Variants in SMAD3 observed in about 807,000 individuals in gnomAD.
The protein encoded by SMAD3 is MAD homolog 3.
In SMAD3, 12 loss-of-function variants were observed where a neutral mutation model predicts 51.8. The observed-to-expected ratio is 0.23, with a 90% CI of 0.15 to 0.38. The LOEUF (loss-of-function observed/expected upper bound fraction) is 0.38, where lower values mean the gene tolerates loss of function less well. Ranked by LOEUF, SMAD3 falls within the 10% of genes least tolerant of loss-of-function variation. The pLI, the probability that SMAD3 is intolerant of heterozygous loss-of-function variation, is 1.00. For missense variants in SMAD3, 294 were observed against 565.6 expected, an observed-to-expected ratio of 0.52 and a Z score of 4.87; for synonymous variants, 238 against 227.7, an observed-to-expected ratio of 1.05 and a Z score of -0.41.
chr15:67,093,348 C>T (rs1435056150), intron 1 of SMAD3, among the ~76,000 whole-genome samples: 1 of 152,220 alleles, frequency 6.6e-6, no homozygotes, highest in Non-Finnish European at 1.5e-5. Flanking sequence ...ATCCACACCT[C>T]TGCCAGGGCC....
Position 67,156,419 on chromosome 15 carries a change from C to A in SMAD3, c.207-8476C>A, listed in dbSNP as rs186979549. 1.5e-3 allele frequency among the ~76,000 whole-genome samples: 232 copies of A among 152,290 alleles called. 2 individuals are homozygous for A. The highest frequency in any genetic ancestry group is 5.5e-3 in the African/African-American group (229 of 41,536). On this transcript the variant is annotated intron_variant, in intron 1 of 8. Transcript: ENST00000327367. The stretch of plus-strand genomic sequence containing the variant: ...TCCTTCTGAAATGGTTAAGTCTTAT[C>A]CAGCTTCAAGATCTGGGCATAGGGG...
rs985273746 is a variant in SMAD3, at chr15:67,195,053, A to G, written c.*4517A>G. ...AGTGTTTTAGATTTTTCTAACTTTTATATCTTAAAAGCAGAGCACCTGTTT... is the reference window on the plus strand; with the variant it reads ...AGTGTTTTAGATTTTTCTAACTTTTGTATCTTAAAAGCAGAGCACCTGTTT... On this transcript the variant is annotated 3_prime_UTR_variant, in exon 9 of 9. Coordinates refer to ENST00000327367, the MANE Select transcript of SMAD3 (RefSeq NM_005902.4). 6.8e-5 allele frequency: 16 copies of G among 233,626 alleles called. No homozygotes were observed. Among genetic ancestry groups the G allele is most frequent in the African/African-American group, 2.0e-4 (9 of 45,454 alleles). The allele number at this position is 233,626 out of a possible 1,614,324, so 14.5% of individuals were successfully genotyped here.
rs1321080616 is a variant in SMAD3 at position 67,066,195 on chromosome 15, G to T, written c.41G>T (p.Arg14Leu). 6.2e-7 allele frequency: 1 copy of T among 1,611,858 alleles called. No individual in the cohort carries two copies. Among genetic ancestry groups the T allele is most frequent in the Non-Finnish European group, 8.5e-7 (1 of 1,179,318 alleles). Reference sequence around the variant, plus strand: ...CCTTTCACTCCCCCGATCGTGAAGCGCCTGCTGGGCTGGAAGAAGGGCGAG... The same window carrying T: ...CCTTTCACTCCCCCGATCGTGAAGCTCCTGCTGGGCTGGAAGAAGGGCGAG... ...ILPFTPPIVK[R>L]LLGWKKGEQN... The change falls in exon 1 of 9, where the codon CGC becomes CTC. Residue 14 changes from arginine to leucine, a missense_variant. This residue lies in a region of SMAD3 where 147 missense variants were observed against 260.9 expected (regional missense o/e 0.56). Coordinates refer to ENST00000327367, the MANE Select transcript of SMAD3 (RefSeq NM_005902.4).
intron 4 of SMAD3, among the ~76,000 whole-genome samples, chr15:67,168,274 A>G (rs1235418168): frequency 2.0e-5 from 3 of 152,194 alleles, no homozygotes; most frequent in Non-Finnish European, 4.4e-5. Flanking sequence ...AGACCGAAAG[A>G]GACTCGCATG....
At chr15:67,157,692 G>A (rs1215171246) in intron 1 of SMAD3, among the ~76,000 whole-genome samples, 3 of 152,170 alleles carry the variant, frequency 2.0e-5, no homozygotes, top group African/African-American at 7.2e-5. Flanking sequence ...CACTTGGCAT[G>A]AGGTGGGCCC....
intron 1 of SMAD3, among the ~76,000 whole-genome samples, chr15:67,087,515 G>T (rs1351330346): frequency 6.6e-6 from 1 of 152,198 alleles, no homozygotes; most frequent in Non-Finnish European, 1.5e-5. Flanking sequence ...TGCATTTCAG[G>T]TATGGATGGG....
intron 1 of SMAD3, among the ~76,000 whole-genome samples, chr15:67,111,101 A>G (rs1961003344): frequency 6.6e-6 from 1 of 152,238 alleles, no homozygotes; most frequent in Admixed American, 6.5e-5. Context: ...CTAATTTTAG[A>G]ACATTTTCAA....
At chr15:67,121,382 CCCA>C (rs1961259280) in intron 1 of SMAD3, among the ~76,000 whole-genome samples, 1 of 152,184 alleles carries the variant, frequency 6.6e-6, no homozygotes, top group African/African-American at 2.4e-5. Context: ...TGGCTCTCCC[CCCA>C]CGAGTGACTG....
intron 1 of SMAD3, among the ~76,000 whole-genome samples, chr15:67,133,480 AAACAAAGTATGATCCTATCGCCAG>A (rs1400712968): frequency 1.3e-5 from 2 of 152,212 alleles, no homozygotes; most frequent in African/African-American, 4.8e-5. Flanking sequence ...ATGAGAAGGC[AAACAAAGTATGATCCTATCGCCAG>A]AAAAATGGAG....
At position 67,127,306 on chromosome 15, in the gene SMAD3, G is replaced by T. The variant is rs28393936; in HGVS notation, c.207-37589G>T. Among the ~76,000 whole-genome samples, 556 of 152,266 alleles carry T rather than the reference G, an allele frequency of 3.7e-3. 3 individuals are homozygous for T. Among genetic ancestry groups the T allele is most frequent in the African/African-American group, 0.013 (529 of 41,542 alleles). ...CTCTGTTTCTGCAGTGCCTCCCCCT[G>T]TAAAAAAGGAAACCAAGAGGCTGAC... On this transcript the variant is annotated intron_variant, in intron 1 of 8. Transcript: ENST00000327367.
At chr15:67,165,145 C>CT in intron 2 of SMAD3, 57 bp downstream of exon 2, 1 of 1,611,442 alleles carries the variant, frequency 6.2e-7, no homozygotes, top group Admixed American at 1.7e-5. Context: ...TCACCTCTCC[C>CT]CGGCTCCCCA....
chr15:67,118,186 C>T (rs763454864), intron 1 of SMAD3, among the ~76,000 whole-genome samples: 34 of 152,212 alleles, frequency 2.2e-4, no homozygotes, highest in East Asian at 1.9e-4. Context: ...TAACTCACAG[C>T]GTCGGGGAAG....
At chr15:67,189,932 G>A (rs1269314248) in intron 8 of SMAD3, among the ~76,000 whole-genome samples, 4 of 151,964 alleles carry the variant, frequency 2.6e-5, no homozygotes, top group Non-Finnish European at 4.4e-5. Flanking sequence ...CACTGTTGGC[G>A]CTTTGTAAAA....
intron 3 of SMAD3, among the ~76,000 whole-genome samples, chr15:67,165,720 T>C (rs1223636409): frequency 6.6e-6 from 1 of 152,168 alleles, no homozygotes; most frequent in Non-Finnish European, 1.5e-5. Context: ...TCAGTCCCAA[T>C]AGACTGGGGG....
chr15:67,188,109 CT>C (rs1186358134), intron 8 of SMAD3, among the ~76,000 whole-genome samples: 1 of 148,990 alleles, frequency 6.7e-6, no homozygotes, highest in Non-Finnish European at 1.5e-5. Context: ...TGAGAAATGA[CT>C]TTTTTAGAGT....
rs182736388 is a variant in SMAD3, at chr15:67,097,664, G to A, written c.206+31304G>A. 5.3e-5 allele frequency among the ~76,000 whole-genome samples: 8 copies of A among 152,276 alleles called. No individual in the cohort carries two copies. In the East Asian group the frequency reaches 1.5e-3, roughly 29 times the overall value. On this transcript the variant is annotated intron_variant, in intron 1 of 8. Transcript: ENST00000327367. ...TAATTATCTTATAGCATGGTCATGA[G>A]CGTGAAATGAGAGCAGGGGGAGGAG...
chr15:67,076,940 C>T (rs1052024499), intron 1 of SMAD3, among the ~76,000 whole-genome samples: 1 of 152,152 alleles, frequency 6.6e-6, no homozygotes, highest in East Asian at 1.9e-4. Context: ...GACTTGTGGC[C>T]TGGGGACTCT....
At chr15:67,181,001 TAAATAAAA>T (rs1464367336) in intron 5 of SMAD3, among the ~76,000 whole-genome samples, 1 of 150,614 alleles carries the variant, frequency 6.6e-6, no homozygotes, top group African/African-American at 2.5e-5. Context: ...AATAAATAAA[TAAATAAAA>T]AGAGAAATCA....
chr15:67,166,203 C>G, intron 3 of SMAD3: 1 of 1,017,174 alleles, frequency 9.8e-7, no homozygotes, highest in African/African-American at 1.7e-5. Flanking sequence ...GGTAAGTCAA[C>G]TACTCCCTGT....
Sources: gnomAD v4.1 joint callset for allele counts (sites outside exome capture counted in the v4.1 genomes callset) on GRCh38, gnomAD v4.1.1 for gene constraint, gnomAD v4.1.1 regional missense constraint, MANE v1.5 for transcripts, NCBI Gene and HGNC (gene_info 2026-07-23, HGNC 2026-07-21) for gene names.